GRM3: variants seen among roughly 807,000 people sequenced by gnomAD.
The protein encoded by GRM3 is metabotropic glutamate receptor 3.
In GRM3, 26 loss-of-function variants were observed where a neutral mutation model predicts 70.5. That is an observed-to-expected ratio of 0.37 (90% CI 0.27 to 0.51). The LOEUF (loss-of-function observed/expected upper bound fraction) is 0.51. Among genes scored for constraint, GRM3 ranks in the 20% least tolerant of loss-of-function variants. The pLI, the probability that GRM3 is intolerant of heterozygous loss-of-function variation, is 0.93. For synonymous variants in GRM3, 443 were observed against 434.9 expected (o/e 1.02, Z -0.23); for missense variants, 859 against 1,123.8 (o/e 0.76, Z 3.37).
At chr7:86,651,482 A>T (rs1330175415) in intron 1 of GRM3, among the ~76,000 whole-genome samples, 1 of 152,222 alleles carries the variant, frequency 6.6e-6, no homozygotes, top group Non-Finnish European at 1.5e-5. Context: ...AATCTGAGAG[A>T]TGGCACTACA....
At chr7:86,697,205 C>G (rs528197722) in intron 1 of GRM3, among the ~76,000 whole-genome samples, 1 of 151,938 alleles carries the variant, frequency 6.6e-6, no homozygotes, top group Admixed American at 6.6e-5. Flanking sequence ...TTCGTTGTCT[C>G]CTAACACACA....
chr7:86,794,655 T>A (rs1293198506), intron 3 of GRM3, among the ~76,000 whole-genome samples: 1 of 152,178 alleles, frequency 6.6e-6, no homozygotes, highest in Non-Finnish European at 1.5e-5. Context: ...ATACTTCTTA[T>A]CACTTTATGT....
intron 1 of GRM3, among the ~76,000 whole-genome samples, chr7:86,764,013 T>C (rs1005997224): frequency 6.6e-6 from 1 of 151,960 alleles, no homozygotes; most frequent in Non-Finnish European, 1.5e-5. Flanking sequence ...AATTGAAAGA[T>C]GGTAGCAGGG....
chr7:86,831,181 A>G (rs1216269924), intron 3 of GRM3, among the ~76,000 whole-genome samples: 1 of 152,192 alleles, frequency 6.6e-6, no homozygotes, highest in Non-Finnish European at 1.5e-5. Context: ...TAAGATAGTG[A>G]TTGCCTTTGG....
chr7:86,779,229 G>A (rs528104936), intron 2 of GRM3, among the ~76,000 whole-genome samples: 4 of 152,092 alleles, frequency 2.6e-5, no homozygotes, highest in South Asian at 4.1e-4. Flanking sequence ...GGGAGCAAGT[G>A]GTGTGAGTTG....
intron 3 of GRM3, among the ~76,000 whole-genome samples, chr7:86,791,771 TA>T (rs1261451643): frequency 6.6e-6 from 1 of 152,244 alleles, no homozygotes; most frequent in African/African-American, 2.4e-5. Flanking sequence ...CTTTTTAAGA[TA>T]CCTTTAATGC....
intron 2 of GRM3, among the ~76,000 whole-genome samples, chr7:86,776,582 C>G (rs1796897716): frequency 6.6e-6 from 1 of 152,118 alleles, no homozygotes; most frequent in South Asian, 2.1e-4. Flanking sequence ...TACCCAACAG[C>G]TTTTGTCCTT....
intron 2 of GRM3, among the ~76,000 whole-genome samples, chr7:86,780,700 T>C (rs1797029422): frequency 6.6e-6 from 1 of 152,176 alleles, no homozygotes; most frequent in Non-Finnish European, 1.5e-5. Context: ...TATTTATAGC[T>C]TGAAGCTTTC....
At chr7:86,818,043 G>T (rs1172073777) in intron 3 of GRM3, among the ~76,000 whole-genome samples, 1 of 151,900 alleles carries the variant, frequency 6.6e-6, no homozygotes, top group Non-Finnish European at 1.5e-5. Context: ...ATTCCTTCTT[G>T]TCTGGATCAC....
intron 3 of GRM3, among the ~76,000 whole-genome samples, chr7:86,799,245 G>C (rs117036378): frequency 0.038 from 5,825 of 152,220 alleles, 140 homozygotes; most frequent in East Asian, 0.067. Context: ...AGCTTAAGAA[G>C]GTTTTGAGCT....
intron 1 of GRM3, among the ~76,000 whole-genome samples, chr7:86,673,496 T>G (rs1794225515): frequency 6.6e-6 from 1 of 152,118 alleles, no homozygotes; most frequent in Non-Finnish European, 1.5e-5. Context: ...TCTCACTACC[T>G]CTTCTGGTTT....
intron 3 of GRM3, among the ~76,000 whole-genome samples, chr7:86,798,097 A>G (rs1009230321): frequency 1.3e-5 from 2 of 152,220 alleles, no homozygotes; most frequent in African/African-American, 4.8e-5. Flanking sequence ...GCAGGGGTGG[A>G]GCCTTCATGG....
In GRM3 at chr7:86,836,904, C is replaced by G. The variant is rs1029944258; in HGVS notation, c.1325-1935C>G. 2.6e-5 allele frequency among the ~76,000 whole-genome samples: 4 copies of G among 152,124 alleles called. No individual in the cohort carries two copies. In the East Asian group the frequency reaches 7.7e-4, roughly 29 times the overall value. On this transcript the variant is annotated intron_variant, in intron 3 of 5. Coordinates refer to ENST00000361669, the MANE Select transcript of GRM3 (RefSeq NM_000840.3). ...TTAAAAGACAGAAACGAGAATCACACAAAGTCCATCTAACCCCAAAACTAC... is the reference window on the plus strand; with the variant it reads ...TTAAAAGACAGAAACGAGAATCACAGAAAGTCCATCTAACCCCAAAACTAC...
chr7:86,688,311 T>C (rs1030199170), intron 1 of GRM3, among the ~76,000 whole-genome samples: 1 of 151,570 alleles, frequency 6.6e-6, no homozygotes, highest in Non-Finnish European at 1.5e-5. Context: ...CAAAAATAAG[T>C]CTACCATATA....
chr7:86,748,925 G>A (rs1584213050), intron 1 of GRM3, among the ~76,000 whole-genome samples: 1 of 151,984 alleles, frequency 6.6e-6, no homozygotes, highest in East Asian at 1.9e-4. Context: ...CAAGACAGAG[G>A]TCCAGAGTAA....
Position 86,722,960 on chromosome 7 carries a change from C to T in GRM3, c.-140-42046C>T, listed in dbSNP as rs1000125822. ...TCTTAATATAACATATTTATTCCAC[C>T]TTTTCACTCATTTCAAATATATCTG... On this transcript the variant is annotated intron_variant, in intron 1 of 5. Coordinates refer to ENST00000361669, the MANE Select transcript of GRM3 (RefSeq NM_000840.3). Among the ~76,000 whole-genome samples, 11 of 152,060 alleles carry T rather than the reference C, an allele frequency of 7.2e-5. No homozygotes were observed. In the East Asian group the frequency reaches 2.1e-3, roughly 29 times the overall value.
At chr7:86,735,291 A>G (rs1229657115) in intron 1 of GRM3, among the ~76,000 whole-genome samples, 4 of 152,170 alleles carry the variant, frequency 2.6e-5, no homozygotes, top group Admixed American at 2.0e-4. Context: ...TAAATGCTCT[A>G]TGCAAAACAT....
chr7:86,646,880 G>A (rs1239915594), intron 1 of GRM3, among the ~76,000 whole-genome samples: 1 of 152,014 alleles, frequency 6.6e-6, no homozygotes. Flanking sequence ...TTTGCACAAT[G>A]GGCTTTTTAA....
Position 86,839,611 on chromosome 7 carries a change from A to C in GRM3, c.2097A>C (p.Gln699His). 1.2e-6 allele frequency: 2 copies of C among 1,613,868 alleles called. No homozygotes were observed. Among genetic ancestry groups the C allele is most frequent in the Non-Finnish European group, 1.7e-6 (2 of 1,179,906 alleles). ...VFICLGLILV[Q>H]IVMVSVWLIL... is the part of the protein sequence containing the mutation. The stretch of plus-strand genomic sequence containing the variant: ...TCTGCCTGGGTCTGATCCTGGTGCA[A>C]ATTGTGATGGTGTCTGTGTGGCTCA... Residue 699 changes from glutamine (Q) to histidine (H), a missense_variant, in exon 4 of 6, where the codon CAA becomes CAC. By Grantham distance (24) the Gln-to-His change is conservative (BLOSUM62 0). Coordinates refer to ENST00000361669, the MANE Select transcript of GRM3 (RefSeq NM_000840.3). This position sits in a 1 kb window ranked among gnomAD's most constrained non-coding sequence, Gnocchi z 4.5.
Sources: allele counts gnomAD v4.1 joint callset (sites outside exome capture counted in the v4.1 genomes callset), GRCh38; gene constraint gnomAD v4.1.1; non-coding constraint Gnocchi (gnomAD v3.1); transcripts MANE v1.5; gene names NCBI Gene and HGNC (gene_info 2026-07-23, HGNC 2026-07-21).